The following FNIP1 variants were observed in gnomAD, a reference collection of about 807,000 sequenced individuals.
The protein encoded by FNIP1 is folliculin interacting protein 1.
A neutral mutation model predicts 124.5 loss-of-function variants in FNIP1; 40 were observed. That is an observed-to-expected ratio of 0.32 (90% CI 0.25 to 0.42). The LOEUF (loss-of-function observed/expected upper bound fraction) is 0.42. FNIP1 is among the 10% of genes least tolerant of loss of function. The probability of loss-of-function intolerance (pLI) is 1.00; values close to 1 mark genes in which losing one functional copy is unlikely to be tolerated. For missense variants in FNIP1, 1,176 were observed against 1,403.7 expected (o/e 0.84, Z 2.59); for synonymous variants, 472 against 470.6 (o/e 1.00, Z -0.04).
intron 10 of FNIP1, among the ~76,000 whole-genome samples, chr5:131,703,372 T>C (rs1196109218): frequency 6.6e-6 from 1 of 152,234 alleles, no homozygotes; most frequent in African/African-American, 2.4e-5. Flanking sequence ...TCCTCATAAA[T>C]AATGTCCTTC....
intron 1 of FNIP1, chr5:131,795,471 G>GC (rs1356216504): frequency 6.6e-6 from 1 of 152,108 alleles, no homozygotes; most frequent in Non-Finnish European, 1.5e-5. Flanking sequence ...CTATTCAAAT[G>GC]CCACCTTTTA....
chr5:131,764,083 C>T (rs1237306569), intron 1 of FNIP1, among the ~76,000 whole-genome samples: 1 of 151,948 alleles, frequency 6.6e-6, no homozygotes, highest in Non-Finnish European at 1.5e-5. Context: ...GGTACGCCCC[C>T]TTGCCTTTTT....
At position 131,744,555 on chromosome 5, in the gene FNIP1, G is replaced by T. The variant is rs773700063; in HGVS notation, c.219+9C>A. ...ATTAAAAGTCAACCAAATCAATAAT[G>T]ATGCTCACCGATACTGATATGTCCT... On this transcript the variant is annotated intron_variant, in intron 2 of 17. Transcript: ENST00000510461. 4.5e-5 allele frequency: 71 copies of T among 1,573,092 alleles called. No homozygotes were observed. Among genetic ancestry groups the T allele is most frequent in the Non-Finnish European group, 5.8e-5 (67 of 1,159,164 alleles).
At position 131,796,724 on chromosome 5, in the gene FNIP1, G is replaced by C. The variant is rs771954453; in HGVS notation, c.92+106C>G. 5.5e-5 allele frequency: 59 copies of C among 1,066,560 alleles called. 1 individual carries two copies. The highest frequency in any genetic ancestry group is 6.3e-5 in the South Asian group (4 of 63,412). 66.1% of individuals were successfully genotyped at this position (1,066,560 alleles called of 1,614,324 possible). ...CCACCGAGGACCAGATGCTGCTCTC[G>C]GCGCGGCGCTTCCGCTCGGGTCGGA... On this transcript the variant is annotated intron_variant, in intron 1 of 17. Coordinates refer to ENST00000510461, the MANE Select transcript of FNIP1 (RefSeq NM_133372.3).
chr5:131,671,188 G>A (rs1390166375), intron 14 of FNIP1, among the ~76,000 whole-genome samples: 2 of 152,122 alleles, frequency 1.3e-5, no homozygotes, highest in Non-Finnish European at 2.9e-5. Context: ...AGGGATTAGT[G>A]CTCCCTAACT....
chr5:131,651,573 T>C (rs999828355), intron 16 of FNIP1, among the ~76,000 whole-genome samples: 1 of 152,138 alleles, frequency 6.6e-6, no homozygotes, highest in African/African-American at 2.4e-5. Flanking sequence ...CTCATCTTCT[T>C]AGGCCACTAA....
intron 11 of FNIP1, among the ~76,000 whole-genome samples, chr5:131,685,116 G>A (rs1039862471): frequency 4.0e-4 from 61 of 152,146 alleles, no homozygotes; most frequent in African/African-American, 1.5e-3. Flanking sequence ...AACCAGACAA[G>A]GCACGGTGGC....
chr5:131,759,304 G>A (rs1771149692), intron 1 of FNIP1, among the ~76,000 whole-genome samples: 1 of 151,926 alleles, frequency 6.6e-6, no homozygotes, highest in Non-Finnish European at 1.5e-5. Context: ...TATAAACAGA[G>A]AAAACAGACA....
chr5:131,692,720 A>T (rs1228836429), intron 11 of FNIP1, among the ~76,000 whole-genome samples: 1 of 152,140 alleles, frequency 6.6e-6, no homozygotes, highest in African/African-American at 2.4e-5. Context: ...TGGTCAAAGG[A>T]CACAAAATTT....
intron 3 of FNIP1, among the ~76,000 whole-genome samples, chr5:131,727,421 T>C (rs780868764): frequency 6.6e-6 from 1 of 152,238 alleles, no homozygotes; most frequent in Non-Finnish European, 1.5e-5. Context: ...CATTATGTAA[T>C]GCCCTTCTTT....
chr5:131,752,846 T>A (rs1580811270), intron 1 of FNIP1, among the ~76,000 whole-genome samples: 1 of 152,096 alleles, frequency 6.6e-6, no homozygotes, highest in African/African-American at 2.4e-5. Flanking sequence ...GGCAGGTGGG[T>A]CACCTGAGGT....
At chr5:131,647,394 C>G (rs979824202) in intron 16 of FNIP1, among the ~76,000 whole-genome samples, 189 bp from the exon 17 acceptor site, 1 of 145,806 alleles carries the variant, frequency 6.9e-6, no homozygotes, top group African/African-American at 2.5e-5. Context: ...TGGCTCATAT[C>G]AAAGATTAGC....
intron 11 of FNIP1, among the ~76,000 whole-genome samples, chr5:131,687,779 TCA>T (rs1263188071): frequency 6.6e-6 from 1 of 152,132 alleles, no homozygotes; most frequent in Non-Finnish European, 1.5e-5. Flanking sequence ...TGAATTCCTC[TCA>T]GTGACAAAAA....
chr5:131,781,407 G>A (rs1771992472), intron 1 of FNIP1, among the ~76,000 whole-genome samples: 1 of 152,196 alleles, frequency 6.6e-6, no homozygotes, highest in African/African-American at 2.4e-5. Flanking sequence ...AGCCAGACAG[G>A]AGAAATCAAT....
chr5:131,650,367 T>C (rs1767005968), intron 16 of FNIP1, among the ~76,000 whole-genome samples: 1 of 152,206 alleles, frequency 6.6e-6, no homozygotes, highest in South Asian at 2.1e-4. Flanking sequence ...AATTTATTCT[T>C]TTTGGTGCTA....
Position 131,672,126 on chromosome 5 carries a change from A to G in FNIP1, c.2318T>C (p.Val773Ala). 1 of 1,614,194 alleles carries G rather than the reference A, an allele frequency of 6.2e-7. No individual in the cohort carries two copies. ...SDTELRSQAV[V>A]DQITRHHTKP... Reference sequence around the variant, plus strand: ...GGTGTGATGTCTGGTAATCTGATCCACCACTGCCTGACTTCGAAGCTCAGT... The same window carrying G: ...GGTGTGATGTCTGGTAATCTGATCCGCCACTGCCTGACTTCGAAGCTCAGT... Residue 773 changes from valine (V) to alanine (A), a missense_variant, in exon 14 of 18, where the codon GTG (valine) becomes GCG (alanine). Physicochemically the swap from Val to Ala is moderately conservative, Grantham distance 64 (BLOSUM62 0). Transcript: ENST00000510461.
intron 2 of FNIP1, among the ~76,000 whole-genome samples, chr5:131,736,960 T>C (rs1169607052): frequency 6.6e-6 from 1 of 152,184 alleles, no homozygotes; most frequent in African/African-American, 2.4e-5. Context: ...TGCAACTTAT[T>C]TGTGATTGTT....
chr5:131,737,267 C>T (rs1770344513), intron 2 of FNIP1, among the ~76,000 whole-genome samples: 2 of 152,166 alleles, frequency 1.3e-5, no homozygotes, highest in Non-Finnish European at 2.9e-5. Flanking sequence ...TCAGAAAAGT[C>T]ACGACTTCAA....
chr5:131,698,313 C>A (rs1006639102), intron 11 of FNIP1, among the ~76,000 whole-genome samples: 2 of 152,168 alleles, frequency 1.3e-5, no homozygotes, highest in Non-Finnish European at 2.9e-5. Context: ...TAAACCGAAC[C>A]TCTTGTCGAG....
Sources: gnomAD v4.1 joint callset for allele counts (sites outside exome capture counted in the v4.1 genomes callset) on GRCh38, gnomAD v4.1.1 for gene constraint, MANE v1.5 for transcripts, NCBI Gene and HGNC (gene_info 2026-07-23, HGNC 2026-07-21) for gene names.